Variants in RAPGEF4 observed in about 807,000 individuals in gnomAD.
The protein encoded by RAPGEF4 is Rap guanine nucleotide exchange factor 4.
Under a neutral mutation model 147.9 loss-of-function variants are expected in RAPGEF4, and 66 were observed. The observed-to-expected ratio is 0.45, with a 90% confidence interval of 0.37 to 0.55. The LOEUF (loss-of-function observed/expected upper bound fraction) is 0.55, where lower values mean the gene tolerates loss of function less well. RAPGEF4 is among the 20% of genes least tolerant of loss of function. RAPGEF4 has a pLI of 0.00. For synonymous variants in RAPGEF4, 419 were observed against 442.7 expected (o/e 0.95, Z 0.67); for missense variants, 1,071 against 1,257.3 (o/e 0.85, Z 2.24).
intron 4 of RAPGEF4, among the ~76,000 whole-genome samples, chr2:172,834,337 G>T (rs1402851202): frequency 6.6e-6 from 1 of 152,182 alleles, no homozygotes; most frequent in East Asian, 1.9e-4. Flanking sequence ...ATATAATCAT[G>T]TGTGGAAAAT....
At chr2:172,885,561 A>G (rs571905251) in intron 4 of RAPGEF4, among the ~76,000 whole-genome samples, 68 of 152,318 alleles carry the variant, frequency 4.5e-4, no homozygotes, top group South Asian at 4.0e-3. Context: ...ATCATGGCAG[A>G]AGGCAAAAGG....
At chr2:172,821,240 A>AT in intron 4 of RAPGEF4, among the ~76,000 whole-genome samples, 1 of 152,218 alleles carries the variant, frequency 6.6e-6, no homozygotes. Context: ...TCAGGTTTAT[A>AT]TTTAATGGGC....
intron 5 of RAPGEF4, 131 bp from the exon 6 acceptor site, chr2:172,922,150 G>A (rs1684834671): frequency 2.4e-6 from 2 of 830,486 alleles, no homozygotes; most frequent in South Asian, 1.4e-5. Context: ...GCAGCATTAT[G>A]TAAGTTTTCA....
At chr2:173,026,974 G>A (rs1696722972) in intron 24 of RAPGEF4, 107 bp from the exon 25 acceptor site, 2 of 1,035,408 alleles carry the variant, frequency 1.9e-6, no homozygotes, top group Admixed American at 2.9e-5. Flanking sequence ...AAGTCTGATT[G>A]ACTTCACATT....
At chr2:173,048,958 A>G (rs149865818) in intron 30 of RAPGEF4, among the ~76,000 whole-genome samples, 48 of 152,346 alleles carry the variant, frequency 3.2e-4, no homozygotes, top group Non-Finnish European at 6.2e-4. Context: ...ACGACTGCCA[A>G]CAAATCCTGC....
intron 4 of RAPGEF4, among the ~76,000 whole-genome samples, chr2:172,897,759 A>ATTTTG (rs1271990747): frequency 6.6e-6 from 1 of 150,872 alleles, no homozygotes; most frequent in Admixed American, 6.6e-5. Context: ...ATTTTATTTT[A>ATTTTG]TTTTATTTAT....
At chr2:172,881,909 T>G (rs1312758418) in intron 4 of RAPGEF4, among the ~76,000 whole-genome samples, 1 of 152,042 alleles carries the variant, frequency 6.6e-6, no homozygotes, top group Non-Finnish European at 1.5e-5. Flanking sequence ...GATGATGGAG[T>G]AAGGTAGGGG....
intron 1 of RAPGEF4, among the ~76,000 whole-genome samples, chr2:172,766,151 C>T (rs573497575): frequency 6.6e-6 from 1 of 152,090 alleles, no homozygotes; most frequent in South Asian, 2.1e-4. Context: ...TCAGTTGAGG[C>T]ACTGAATTTT....
intron 4 of RAPGEF4, among the ~76,000 whole-genome samples, chr2:172,860,894 A>T (rs1355486683): frequency 3.9e-5 from 6 of 152,160 alleles, no homozygotes; most frequent in Admixed American, 3.9e-4. Flanking sequence ...AGTTTTAAAA[A>T]TTTGTCAATT....
At chr2:172,808,467 A>G (rs766628324) in intron 3 of RAPGEF4, among the ~76,000 whole-genome samples, 4 of 152,190 alleles carry the variant, frequency 2.6e-5, no homozygotes, top group Non-Finnish European at 4.4e-5. Flanking sequence ...GAAAGCCATC[A>G]TTAGTTGAAG....
At chr2:172,851,565 C>T (rs1692831863) in intron 4 of RAPGEF4, among the ~76,000 whole-genome samples, 1 of 151,988 alleles carries the variant, frequency 6.6e-6, no homozygotes, top group Admixed American at 6.6e-5. Context: ...CAAAGATAGA[C>T]TGGAAAAAGA....
chr2:173,048,728 A>G (rs540151589), intron 30 of RAPGEF4, 74 bp downstream of exon 30: 26 of 1,602,076 alleles, frequency 1.6e-5, no homozygotes, highest in Non-Finnish European at 2.2e-5. Flanking sequence ...CCATTGAGAC[A>G]CCCTTGGAGC....
In RAPGEF4 at chr2:172,961,184, A is replaced by G. The variant is rs1689251501; in HGVS notation, c.654A>G (p.Ala218=). The change falls in exon 8 of 31, where the codon GCA becomes GCG. Residue 218 remains alanine (A), a synonymous_variant. Coordinates refer to ENST00000397081, the MANE Select transcript of RAPGEF4 (RefSeq NM_007023.4). ...TACGAAATGCCATTCTCTCTCGAGC[A>G]CCTCACATGATAAGAGATAGAAAAT... The part of the protein sequence containing the change: ...KILRNAILSR[A]PHMIRDRKYH... 1 of 1,612,846 alleles carries G rather than the reference A, an allele frequency of 6.2e-7. No homozygotes were observed. Among genetic ancestry groups the G allele is most frequent in the Non-Finnish European group, 8.5e-7 (1 of 1,178,814 alleles).
chr2:172,987,219 T>A (rs1692353891), intron 12 of RAPGEF4, among the ~76,000 whole-genome samples: 1 of 152,056 alleles, frequency 6.6e-6, no homozygotes, highest in African/African-American at 2.4e-5. Context: ...GAAGGATCTC[T>A]TAGGCCCAGG....
intron 29 of RAPGEF4, among the ~76,000 whole-genome samples, chr2:173,044,672 T>C (rs999457045): frequency 6.6e-6 from 1 of 152,136 alleles, no homozygotes; most frequent in Non-Finnish European, 1.5e-5. Context: ...TACTTAGGAT[T>C]AGTCCCAAGA....
At chr2:172,909,344 A>G (rs191380625) in intron 4 of RAPGEF4, among the ~76,000 whole-genome samples, 13 of 152,160 alleles carry the variant, frequency 8.5e-5, no homozygotes, top group African/African-American at 2.9e-4. Context: ...TCAGTGTTCT[A>G]CTCTGTTCTT....
At chr2:172,944,973 G>T (rs1687543167) in intron 6 of RAPGEF4, among the ~76,000 whole-genome samples, 1 of 151,990 alleles carries the variant, frequency 6.6e-6, no homozygotes, top group South Asian at 2.1e-4. Flanking sequence ...CATTATTGTG[G>T]GTTTTTTTTT....
In RAPGEF4 at chr2:172,973,495, G is replaced by A. The variant is rs144596946; in HGVS notation, c.1004+6051G>A. On this transcript the variant is annotated intron_variant, in intron 10 of 30. Coordinates refer to ENST00000397081, the MANE Select transcript of RAPGEF4 (RefSeq NM_007023.4). ...AAGGAAGAGCTCCTAGCCAGATAGGGGCACAGGTGGGGCAGAAAGATGCTG... is the reference window on the plus strand; with the variant it reads ...AAGGAAGAGCTCCTAGCCAGATAGGAGCACAGGTGGGGCAGAAAGATGCTG... Among the ~76,000 whole-genome samples the A allele has an allele frequency of 3.9e-3, 593 of 152,296 alleles. 4 individuals carry two copies. Among genetic ancestry groups the A allele is most frequent in the Middle Eastern group, 6.8e-3 (2 of 294 alleles).
intron 4 of RAPGEF4, among the ~76,000 whole-genome samples, chr2:172,899,154 C>T (rs374779226): frequency 1.3e-5 from 2 of 152,310 alleles, no homozygotes; most frequent in East Asian, 3.9e-4. Context: ...TTTTCATAAG[C>T]ATGGCACACC....
Sources: gnomAD v4.1 joint callset for allele counts (sites outside exome capture counted in the v4.1 genomes callset) on GRCh38, gnomAD v4.1.1 for gene constraint, MANE v1.5 for transcripts, NCBI Gene and HGNC (gene_info 2026-07-23, HGNC 2026-07-21) for gene names.